The following SRBD1 variants were observed in gnomAD, a reference collection of about 807,000 sequenced individuals.
SRBD1 encodes S1 RNA-binding domain-containing protein 1.
SRBD1 carries 88 observed loss-of-function variants against 115.3 expected under a neutral mutation model. The observed-to-expected ratio is 0.76, with a 90% CI of 0.64 to 0.91. The LOEUF is 0.91. SRBD1 is among the 40% of genes least tolerant of loss of function. The probability of loss-of-function intolerance (pLI) is 0.00; values close to 1 mark genes in which losing one functional copy is unlikely to be tolerated. For missense variants in SRBD1, 1,385 were observed against 1,177.4 expected, an observed-to-expected ratio of 1.18 and a Z score of -2.58; for synonymous variants, 509 against 407.7, an observed-to-expected ratio of 1.25 and a Z score of -2.99.
chr2:45,598,842 G>A (rs1057355215), intron 4 of SRBD1, among the ~76,000 whole-genome samples: 2 of 152,092 alleles, frequency 1.3e-5, no homozygotes, highest in Non-Finnish European at 2.9e-5. Context: ...CCATAATTAA[G>A]TCTAAAATGG....
chr2:45,547,514 T>C lies in SRBD1; in HGVS notation c.1766+8A>G, dbSNP rs1672158193. ...CTGATATATTCAAAAGATTACTTAT[T>C]TTCATACTTGAAATTCAGCAAAAGT... On this transcript the variant is annotated splice_region_variant and intron_variant, in intron 13 of 20. Coordinates refer to ENST00000263736, the MANE Select transcript of SRBD1 (RefSeq NM_018079.5). The C allele has an allele frequency of 2.5e-6, 4 of 1,612,550 alleles. No homozygotes were observed. The highest frequency in any genetic ancestry group is 3.4e-6 in the Non-Finnish European group (4 of 1,178,898).
At chr2:45,431,999 A>G (rs1668352321) in intron 16 of SRBD1, among the ~76,000 whole-genome samples, 1 of 119,044 alleles carries the variant, frequency 8.4e-6, no homozygotes, top group African/African-American at 3.2e-5. Flanking sequence ...CTAAAGAGTT[A>G]AAAGTATTTA....
chr2:45,596,748 A>C (rs769458683), intron 4 of SRBD1, among the ~76,000 whole-genome samples: 4 of 152,180 alleles, frequency 2.6e-5, no homozygotes, highest in Admixed American at 6.5e-5. Flanking sequence ...ATCCCTTGTC[A>C]ATTAAAGATC....
intron 13 of SRBD1, among the ~76,000 whole-genome samples, chr2:45,547,208 C>T (rs1016458760): frequency 3.9e-5 from 6 of 152,136 alleles, no homozygotes; most frequent in Non-Finnish European, 8.8e-5. Flanking sequence ...TCTGAAACTT[C>T]TAACTATAAC....
At chr2:45,468,176 G>A (rs1669546817) in intron 16 of SRBD1, among the ~76,000 whole-genome samples, 1 of 151,598 alleles carries the variant, frequency 6.6e-6, no homozygotes, top group Admixed American at 6.6e-5. Flanking sequence ...TTTTATATCA[G>A]CCCTATAATA....
At chr2:45,510,820 G>A (rs1169058280) in intron 14 of SRBD1, among the ~76,000 whole-genome samples, 1 of 152,102 alleles carries the variant, frequency 6.6e-6, no homozygotes, top group Admixed American at 6.5e-5. Context: ...AAAATTAGCA[G>A]GTTCCAAAAA....
intron 15 of SRBD1, 82 bp from the exon 16 acceptor site, chr2:45,477,157 T>A: frequency 9.0e-7 from 1 of 1,114,898 alleles, no homozygotes; most frequent in Non-Finnish European, 1.3e-6. Flanking sequence ...TTTCTCATAA[T>A]GTAAGTACTT....
At chr2:45,563,693 T>C (rs547626353) in intron 9 of SRBD1, among the ~76,000 whole-genome samples, 1 of 151,952 alleles carries the variant, frequency 6.6e-6, no homozygotes, top group East Asian at 1.9e-4. Context: ...ACAAATTAGA[T>C]AACTAAGATA....
At chr2:45,537,482 T>C (rs901621878) in intron 14 of SRBD1, among the ~76,000 whole-genome samples, 2 of 152,186 alleles carry the variant, frequency 1.3e-5, no homozygotes, top group African/African-American at 2.4e-5. Flanking sequence ...GCCTGTAACA[T>C]AGTCTTGGTT....
At chr2:45,414,168 A>G (rs943752971) in intron 18 of SRBD1, among the ~76,000 whole-genome samples, 1 of 152,172 alleles carries the variant, frequency 6.6e-6, no homozygotes, top group Non-Finnish European at 1.5e-5. Flanking sequence ...TTGAATTTAG[A>G]ATCGCATACC....
chr2:45,466,910 A>G (rs1669505257), intron 16 of SRBD1, among the ~76,000 whole-genome samples: 1 of 152,218 alleles, frequency 6.6e-6, no homozygotes, highest in African/African-American at 2.4e-5. Context: ...CCAGCAGCAC[A>G]GTTATCACCT....
At chr2:45,458,328 CCTTTCT>C (rs1669215839) in intron 16 of SRBD1, among the ~76,000 whole-genome samples, 1 of 152,022 alleles carries the variant, frequency 6.6e-6, no homozygotes, top group African/African-American at 2.4e-5. Flanking sequence ...GAAGCCTCAC[CCTTTCT>C]GGCTTGTTTT....
intron 9 of SRBD1, among the ~76,000 whole-genome samples, chr2:45,563,361 CTTAA>C (rs1008777533): frequency 6.6e-6 from 1 of 151,426 alleles, no homozygotes; most frequent in African/African-American, 2.4e-5. Flanking sequence ...TGTCCATGCT[CTTAA>C]TTAAAATATT....
chr2:45,392,865 A>G (rs1667041298), intron 20 of SRBD1, 80 bp downstream of exon 20: 2 of 1,290,066 alleles, frequency 1.6e-6, no homozygotes, highest in East Asian at 2.4e-5. Context: ...TGCTTATGGC[A>G]TAGGATTGCT....
chr2:45,552,534 C>A (rs1672334919), intron 11 of SRBD1, among the ~76,000 whole-genome samples: 1 of 152,058 alleles, frequency 6.6e-6, no homozygotes, highest in African/African-American at 2.4e-5. Flanking sequence ...TGCCACTAGA[C>A]ATAAGCAACA....
intron 14 of SRBD1, among the ~76,000 whole-genome samples, chr2:45,517,457 A>C (rs1312338841): frequency 6.6e-6 from 1 of 152,214 alleles, no homozygotes; most frequent in African/African-American, 2.4e-5. Context: ...AAAACTGTGA[A>C]ATCCTTTGGA....
At chr2:45,520,917 G>A (rs1193703297) in intron 14 of SRBD1, among the ~76,000 whole-genome samples, 1 of 152,148 alleles carries the variant, frequency 6.6e-6, no homozygotes, top group African/African-American at 2.4e-5. Flanking sequence ...CAACAGCTTG[G>A]GATACAGAAA....
intron 16 of SRBD1, among the ~76,000 whole-genome samples, chr2:45,463,257 C>T (rs1181006463): frequency 2.0e-5 from 3 of 152,060 alleles, no homozygotes; most frequent in Non-Finnish European, 4.4e-5. Context: ...GTTTATTTCC[C>T]ACTTCAACTC....
intron 10 of SRBD1, 65 bp from the exon 11 acceptor site, chr2:45,553,795 C>G (rs1172301662): frequency 9.6e-7 from 1 of 1,036,642 alleles, no homozygotes; most frequent in Non-Finnish European, 1.4e-6. Context: ...AAAAGGCTCC[C>G]AAAAAGAAGG....
Sources: gnomAD v4.1 joint callset for allele counts (sites outside exome capture counted in the v4.1 genomes callset) on GRCh38, gnomAD v4.1.1 for gene constraint, MANE v1.5 for transcripts, NCBI Gene and HGNC (gene_info 2026-07-23, HGNC 2026-07-21) for gene names.